The following TESMIN variants were observed in gnomAD, a reference collection of about 807,000 sequenced individuals.
TESMIN encodes the protein testis expressed metallothionein like protein.
TESMIN carries 34 observed loss-of-function variants against 47.4 expected under a neutral mutation model. The ratio of observed to expected loss-of-function variants is 0.72; its 90% CI spans 0.55 to 0.96. The LOEUF (loss-of-function observed/expected upper bound fraction) is 0.96. Among genes scored for constraint, TESMIN ranks in the 40% least tolerant of loss-of-function variants. The pLI is 0.00. For synonymous variants in TESMIN, 278 were observed against 258.9 expected (o/e 1.07, Z -0.71); for missense variants, 610 against 637.2 (o/e 0.96, Z 0.46).
At chr11:68,735,747 G>A (rs1946379808) in intron 6 of TESMIN, among the ~76,000 whole-genome samples, 1 of 152,232 alleles carries the variant, frequency 6.6e-6, no homozygotes, top group Non-Finnish European at 1.5e-5. Flanking sequence ...AAACACTGCA[G>A]GAACTCAGAG....
chr11:68,745,290 C>T (rs1382229436), intron 3 of TESMIN, among the ~76,000 whole-genome samples, 179 bp from the exon 4 acceptor site: 2 of 132,720 alleles, frequency 1.5e-5, no homozygotes, highest in Admixed American at 1.6e-4. Flanking sequence ...TCTTTGGAGA[C>T]ACCAAAGGGC....
In TESMIN at chr11:68,750,492, C is replaced by T. The variant is rs1465078136; in HGVS notation, c.169G>A (p.Ala57Thr). The T allele has an allele frequency of 1.2e-6, 2 of 1,602,772 alleles. No individual in the cohort carries two copies. The highest frequency in any genetic ancestry group is 1.7e-5 in the Admixed American group (1 of 58,822). Residue 57 changes from alanine (A) to threonine (T), a missense_variant, in exon 2 of 10, where the codon GCG (alanine) becomes ACG (threonine). Transcript: ENST00000255087. ...TGCAGGACGGGTTCCTTGGGGTCCG[C>T]CGGGCCCAGGTACGCTTCTTTGAAG... ...HVFKEAYLGPADPKEPVLHAF... is the reference protein window; with the variant it reads ...HVFKEAYLGPTDPKEPVLHAF...
chr11:68,718,167 G>GCAGCCCCCAGTCAGCCCACGTCTCACCTA (rs71270550), intron 6 of TESMIN, among the ~76,000 whole-genome samples: 1 of 134,790 alleles, frequency 7.4e-6, no homozygotes, highest in East Asian at 2.3e-4. Flanking sequence ...CCCCTCACCT[G>GCAGCCCCCAGTCAGCCCACGTCTCACCTA]CAGCCCCCAG....
Position 68,715,853 on chromosome 11 carries a change from C to CATTAA in TESMIN, c.1003_1004insTTAAT (p.Arg335LeufsTer46). On this transcript the variant is annotated frameshift_variant, in exon 7 of 10. Transcript: ENST00000255087. LOFTEE classifies it high-confidence loss of function. Reference sequence around the variant, plus strand: ...ATTTATTACCTTAATGGCTTTAAACCGTTCAATATCATGATGCAAGTTGTT... The same window carrying CATTAA: ...ATTTATTACCTTAATGGCTTTAAACCATTAAGTTCAATATCATGATGCAAGTTGTT... 6.2e-7 allele frequency: 1 copy of CATTAA among 1,606,454 alleles called. No individual in the cohort carries two copies. The highest frequency in any genetic ancestry group is 8.5e-7 in the Non-Finnish European group (1 of 1,173,218).
At chr11:68,742,145 C>T (rs1946464888) in intron 5 of TESMIN, among the ~76,000 whole-genome samples, 173 bp downstream of exon 5, 1 of 152,218 alleles carries the variant, frequency 6.6e-6, no homozygotes, top group Admixed American at 6.5e-5. Context: ...AGACTGACTC[C>T]AGCCCACAGT....
chr11:68,716,616 T>C (rs1009626929), intron 6 of TESMIN, among the ~76,000 whole-genome samples: 1 of 152,222 alleles, frequency 6.6e-6, no homozygotes, highest in Non-Finnish European at 1.5e-5. Flanking sequence ...GTGCTGTGGA[T>C]TGGCTCTGAG....
At chr11:68,724,742 C>A (rs549604298) in intron 6 of TESMIN, among the ~76,000 whole-genome samples, 1 of 152,174 alleles carries the variant, frequency 6.6e-6, no homozygotes, top group Non-Finnish European at 1.5e-5. Context: ...GCAACTAAGA[C>A]AGAAATCTGA....
chr11:68,749,152 A>G (rs2153993495), intron 2 of TESMIN, among the ~76,000 whole-genome samples: 1 of 152,344 alleles, frequency 6.6e-6, no homozygotes, highest in African/African-American at 2.4e-5. Flanking sequence ...GCCCTCTGAG[A>G]AAGGCTGTGA....
At chr11:68,742,761 T>G (rs904635170) in intron 4 of TESMIN, among the ~76,000 whole-genome samples, 5 of 152,238 alleles carry the variant, frequency 3.3e-5, no homozygotes, top group Non-Finnish European at 7.3e-5. Flanking sequence ...TCTCGCTATG[T>G]TGCGAGGCTG....
intron 8 of TESMIN, among the ~76,000 whole-genome samples, chr11:68,712,551 G>A (rs771992006): frequency 2.0e-5 from 3 of 152,210 alleles, no homozygotes; most frequent in African/African-American, 7.2e-5. Flanking sequence ...AGGGCCTAAG[G>A]GTTCCCTCAC....
chr11:68,750,503 T>C lies in TESMIN; in HGVS notation c.158A>G (p.Tyr53Cys). Residue 53 changes from tyrosine (Y) to cysteine (C), a missense_variant, in exon 2 of 10, where the codon TAC becomes TGC. Transcript: ENST00000255087. ...EDEFHVFKEA[Y>C]LGPADPKEPV... is the part of the protein sequence containing the mutation. ...TTCCTTGGGGTCCGCCGGGCCCAGG[T>C]ACGCTTCTTTGAAGACGTGGAACTC... 6.2e-7 allele frequency: 1 copy of C among 1,603,626 alleles called. No individual in the cohort carries two copies. The highest frequency in any genetic ancestry group is 1.3e-5 in the African/African-American group (1 of 74,678).
chr11:68,738,373 G>A, intron 6 of TESMIN: 1 of 1,083,950 alleles, frequency 9.2e-7, no homozygotes. Flanking sequence ...AAAAAGAGAG[G>A]CCAGTACAGT....
chr11:68,737,537 C>T, intron 6 of TESMIN: 1 of 985,674 alleles, frequency 1.0e-6, no homozygotes, highest in Non-Finnish European at 1.2e-6. Context: ...CTGGAAAGCA[C>T]TGGAGGCTGC....
chr11:68,737,504 C>T (rs79100192), intron 6 of TESMIN: 73,357 of 985,742 alleles, frequency 0.074, 2,864 homozygotes, highest in Middle Eastern at 0.14. Context: ...AAGCCATGCC[C>T]GATGGCAGAA....
intron 8 of TESMIN, among the ~76,000 whole-genome samples, chr11:68,712,825 C>T (rs1335768707): frequency 6.6e-6 from 1 of 152,222 alleles, no homozygotes; most frequent in Admixed American, 6.5e-5. Context: ...TGTCTGGGGA[C>T]AAGCGCCACA....
At chr11:68,743,802 G>A (rs1168030196) in intron 4 of TESMIN, among the ~76,000 whole-genome samples, 1 of 152,176 alleles carries the variant, frequency 6.6e-6, no homozygotes, top group Non-Finnish European at 1.5e-5. Context: ...AATCTCAGAC[G>A]CAGGCAGCAG....
At position 68,740,906 on chromosome 11, in the gene TESMIN, G is replaced by A. The variant is rs908558810; in HGVS notation, c.828+1412C>T. ...ATATATCCAAACGGAACTCCTGGAC[G>A]CCTTTGAAAAACTTGTACCATCTCA... On this transcript the variant is annotated intron_variant, in intron 5 of 9. Transcript: ENST00000255087. Among the ~76,000 whole-genome samples the A allele has an allele frequency of 6.6e-5, 10 of 152,096 alleles. No homozygotes were observed. The South Asian group carries it at 1.5e-3, about 22-fold the overall frequency.
rs537173723 is a variant in TESMIN, at chr11:68,715,168, G to A, written c.1020+669C>T. Among the ~76,000 whole-genome samples, 19 of 152,298 alleles carry A rather than the reference G, an allele frequency of 1.2e-4. 1 individual carries two copies. In the South Asian group the frequency reaches 3.5e-3, roughly 28 times the overall value. On this transcript the variant is annotated intron_variant, in intron 7 of 9. Coordinates refer to ENST00000255087, the MANE Select transcript of TESMIN (RefSeq NM_004923.3). ...AGTCAATGGCTCTCAATTTCCCTTC[G>A]TGAATGAGTGGGCACCGGAAGTGTC...
intron 6 of TESMIN, among the ~76,000 whole-genome samples, chr11:68,723,179 T>C (rs1233527292): frequency 1.3e-5 from 2 of 152,080 alleles, no homozygotes. Flanking sequence ...TTTCAAAGAA[T>C]TGACGTACAG....
Sources: allele counts gnomAD v4.1 joint callset (sites outside exome capture counted in the v4.1 genomes callset), GRCh38; gene constraint gnomAD v4.1.1; transcripts MANE v1.5; gene names NCBI Gene and HGNC (gene_info 2026-07-23, HGNC 2026-07-21).